The following EEFSEC variants were observed in gnomAD, a reference collection of about 807,000 sequenced individuals.
EEFSEC encodes selenocysteine-specific elongation factor.
A neutral mutation model predicts 42.1 loss-of-function variants in EEFSEC; 43 were observed. The observed-to-expected ratio is 1.02, with a 90% CI of 0.80 to 1.32. EEFSEC has a LOEUF of 1.32. Ranked by LOEUF, EEFSEC falls within the 40% of genes most tolerant of loss-of-function variation. The pLI is 0.00. For missense variants in EEFSEC, 745 were observed against 803.6 expected, an observed-to-expected ratio of 0.93 and a Z score of 0.88; for synonymous variants, 354 against 339.1, an observed-to-expected ratio of 1.04 and a Z score of -0.48.
At chr3:128,391,768 T>C (rs922606803) in intron 6 of EEFSEC, among the ~76,000 whole-genome samples, 5 of 152,252 alleles carry the variant, frequency 3.3e-5, no homozygotes, top group Admixed American at 3.3e-4. Flanking sequence ...CGGCCCCACC[T>C]GGCCCACTCA....
At chr3:128,237,331 T>C (rs188776618) in intron 1 of EEFSEC, among the ~76,000 whole-genome samples, 1 of 152,352 alleles carries the variant, frequency 6.6e-6, no homozygotes, top group East Asian at 1.9e-4. Context: ...TTTTTACTTT[T>C]AAGATTATAA....
intron 1 of EEFSEC, among the ~76,000 whole-genome samples, chr3:128,246,471 T>G (rs542110417): frequency 2.0e-5 from 3 of 152,118 alleles, no homozygotes; most frequent in Admixed American, 6.5e-5. Context: ...CTTTTTTTTT[T>G]CCCCCTGCTG....
At chr3:128,298,490 C>A (rs1350915588) in intron 4 of EEFSEC, among the ~76,000 whole-genome samples, 2 of 152,140 alleles carry the variant, frequency 1.3e-5, no homozygotes, top group African/African-American at 2.4e-5. Flanking sequence ...TATTTGGGGG[C>A]ACATATGATA....
the EEFSEC span, among the ~76,000 whole-genome samples, chr3:128,421,604 C>T: frequency 6.6e-6 from 1 of 152,208 alleles, no homozygotes; most frequent in South Asian, 2.1e-4. Flanking sequence ...CCTCTTGTGC[C>T]GACTTTTCCC....
At chr3:128,315,226 G>A (rs981397557) in intron 4 of EEFSEC, among the ~76,000 whole-genome samples, 2 of 152,208 alleles carry the variant, frequency 1.3e-5, no homozygotes, top group African/African-American at 2.4e-5. Context: ...CATTGGTAGT[G>A]GAGATTAATG....
At chr3:128,325,213 G>C (rs1449476757) in intron 4 of EEFSEC, among the ~76,000 whole-genome samples, 1 of 152,218 alleles carries the variant, frequency 6.6e-6, no homozygotes, top group Admixed American at 6.5e-5. Context: ...GGGGAAGGGG[G>C]AAGTGATCTC....
intron 4 of EEFSEC, among the ~76,000 whole-genome samples, chr3:128,270,616 A>G (rs969939608): frequency 6.6e-6 from 1 of 152,262 alleles, no homozygotes; most frequent in Non-Finnish European, 1.5e-5. Context: ...CTTTGAAGCT[A>G]ATCACAAGGG....
chr3:128,335,348 A>G (rs1381610122), intron 4 of EEFSEC, among the ~76,000 whole-genome samples: 1 of 152,180 alleles, frequency 6.6e-6, no homozygotes, highest in Non-Finnish European at 1.5e-5. Context: ...GGATAGGCCA[A>G]TGCCTGTCTC....
intron 1 of EEFSEC, among the ~76,000 whole-genome samples, chr3:128,198,962 C>T (rs1469072404): frequency 6.6e-6 from 1 of 151,972 alleles, no homozygotes; most frequent in Non-Finnish European, 1.5e-5. Context: ...CTTCTGAGTA[C>T]CTGGGACTAT....
intron 4 of EEFSEC, among the ~76,000 whole-genome samples, chr3:128,340,801 G>T (rs1158150811): frequency 6.6e-6 from 1 of 152,238 alleles, no homozygotes; most frequent in Non-Finnish European, 1.5e-5. Flanking sequence ...AGCTTGGCCA[G>T]CTGAGCAGCT....
intron 4 of EEFSEC, among the ~76,000 whole-genome samples, chr3:128,297,836 C>G (rs543057924): frequency 2.1e-4 from 32 of 152,238 alleles, no homozygotes; most frequent in Non-Finnish European, 4.4e-4. Context: ...TAGGTTCAAA[C>G]TAGGTAGTTG....
intron 1 of EEFSEC, among the ~76,000 whole-genome samples, chr3:128,191,386 A>G (rs1280556823): frequency 6.6e-6 from 1 of 152,066 alleles, no homozygotes; most frequent in Admixed American, 6.5e-5. Context: ...CATGGGCTCA[A>G]GCAATCCTCC....
At chr3:128,173,436 G>C (rs1206677230) in intron 1 of EEFSEC, among the ~76,000 whole-genome samples, 1 of 152,168 alleles carries the variant, frequency 6.6e-6, no homozygotes, top group Non-Finnish European at 1.5e-5. Context: ...TCATAATGGA[G>C]CAAAATTGAG....
intron 5 of EEFSEC, among the ~76,000 whole-genome samples, chr3:128,353,835 G>A (rs1035719481): frequency 2.0e-5 from 3 of 152,164 alleles, no homozygotes; most frequent in Non-Finnish European, 2.9e-5. Flanking sequence ...CCCTGTTCCC[G>A]ACAGGGCTTT....
At chr3:128,325,376 C>T (rs1454295352) in intron 4 of EEFSEC, among the ~76,000 whole-genome samples, 1 of 152,218 alleles carries the variant, frequency 6.6e-6, no homozygotes, top group Non-Finnish European at 1.5e-5. Flanking sequence ...GGGCTTGGGT[C>T]TGAGTTTCAC....
intron 4 of EEFSEC, among the ~76,000 whole-genome samples, chr3:128,308,850 G>A (rs1032592438): frequency 6.6e-6 from 1 of 152,224 alleles, no homozygotes; most frequent in African/African-American, 2.4e-5. Context: ...CCTGCTGTCT[G>A]CAGGTGCATA....
intron 2 of EEFSEC, among the ~76,000 whole-genome samples, chr3:128,247,641 C>T (rs2066141773): frequency 2.0e-5 from 3 of 152,142 alleles, no homozygotes; most frequent in Admixed American, 2.0e-4. Flanking sequence ...CATCTTCTGC[C>T]AAGGAGTTTA....
intron 6 of EEFSEC, among the ~76,000 whole-genome samples, chr3:128,393,723 A>G (rs573925566): frequency 2.4e-4 from 37 of 152,366 alleles, no homozygotes; most frequent in South Asian, 6.2e-4. Flanking sequence ...GCAATGCTGG[A>G]CAGTACTGGG....
chr3:128,348,618 G>T (rs2067345443), intron 5 of EEFSEC, among the ~76,000 whole-genome samples: 1 of 152,048 alleles, frequency 6.6e-6, no homozygotes, highest in Admixed American at 6.5e-5. Flanking sequence ...TTTACTATTA[G>T]CTTCCTCTGT....
Sources: gnomAD v4.1 joint callset for allele counts (sites outside exome capture counted in the v4.1 genomes callset) on GRCh38, gnomAD v4.1.1 for gene constraint, MANE v1.5 for transcripts, NCBI Gene and HGNC (gene_info 2026-07-23, HGNC 2026-07-21) for gene names.